The following ITGBL1 variants were observed in gnomAD, a reference collection of about 807,000 sequenced individuals.
ITGBL1 encodes the protein integrin subunit beta like 1.
ITGBL1 carries 51 observed loss-of-function variants against 68.5 expected under a neutral mutation model. The ratio of observed to expected loss-of-function variants is 0.74; its 90% CI spans 0.59 to 0.94. The LOEUF is 0.94. Among genes scored for constraint, ITGBL1 ranks in the 40% least tolerant of loss-of-function variants. The pLI is 0.00. For missense variants in ITGBL1, 649 were observed against 647.4 expected, an observed-to-expected ratio of 1.00 and a Z score of -0.03; for synonymous variants, 209 against 227.3, an observed-to-expected ratio of 0.92 and a Z score of 0.72.
chr13:101,547,336 TCTG>T (rs1210787018), intron 2 of ITGBL1, among the ~76,000 whole-genome samples: 1 of 151,966 alleles, frequency 6.6e-6, no homozygotes, highest in Non-Finnish European at 1.5e-5. Flanking sequence ...TTTATTAACT[TCTG>T]CTATCATCTT....
chr13:101,598,298 G>C lies in ITGBL1; in HGVS notation c.1014G>C (p.Arg338Ser). 6.2e-7 allele frequency: 1 copy of C among 1,601,018 alleles called. No homozygotes were observed. Among genetic ancestry groups the C allele is most frequent in the Non-Finnish European group, 8.5e-7 (1 of 1,174,378 alleles). Residue 338 changes from arginine to serine, a missense_variant and splice_region_variant, in exon 7 of 11, where the codon AGG becomes AGC. By Grantham distance (110) the Arg-to-Ser change is moderately radical. Transcript: ENST00000376180. ...GCTCGGATCTGCCTTGCTCTGGGAG[G>C]GGTAAGTGAGGTCTCTCAGGGCTTC... ...QGSSDLPCSG[R>S]GKCECGKCTC...
At chr13:101,543,699 C>T (rs2049758368) in intron 2 of ITGBL1, among the ~76,000 whole-genome samples, 1 of 152,220 alleles carries the variant, frequency 6.6e-6, no homozygotes, top group South Asian at 2.1e-4. Context: ...GTACACCAAT[C>T]AGACGCAGAT....
chr13:101,674,398 G>T (rs2033450513), intron 7 of ITGBL1, among the ~76,000 whole-genome samples: 1 of 152,110 alleles, frequency 6.6e-6, no homozygotes, highest in South Asian at 2.1e-4. Flanking sequence ...ATTGCTGTGC[G>T]TGTTCCTGAG....
intron 7 of ITGBL1, among the ~76,000 whole-genome samples, chr13:101,610,098 C>CAGGAAAGTGCAAAATGTGCAGGAA: frequency 1.3e-5 from 2 of 152,040 alleles, no homozygotes; most frequent in Non-Finnish European, 2.9e-5. Context: ...ATAAATGTGA[C>CAGGAAAGTGCAAAATGTGCAGGAA]AGTTATGAAA....
chr13:101,585,349 G>A (rs1022311188), intron 6 of ITGBL1, among the ~76,000 whole-genome samples: 1 of 152,168 alleles, frequency 6.6e-6, no homozygotes, highest in Non-Finnish European at 1.5e-5. Context: ...GTCAGGGTCA[G>A]GGTTAAACCA....
intron 7 of ITGBL1, among the ~76,000 whole-genome samples, chr13:101,602,601 C>T (rs2030451723): frequency 1.3e-5 from 2 of 151,760 alleles, no homozygotes; most frequent in Non-Finnish European, 2.9e-5. Flanking sequence ...ATTCACATAC[C>T]ACAAAATTCA....
chr13:101,545,786 A>G (rs1019431918), intron 2 of ITGBL1, among the ~76,000 whole-genome samples: 6 of 152,218 alleles, frequency 3.9e-5, no homozygotes, highest in Admixed American at 1.3e-4. Flanking sequence ...CTATGATTCA[A>G]CAACTAAAGG....
At chr13:101,548,193 C>A (rs1016672674) in intron 2 of ITGBL1, among the ~76,000 whole-genome samples, 1 of 151,722 alleles carries the variant, frequency 6.6e-6, no homozygotes, top group Admixed American at 6.6e-5. Flanking sequence ...TTGACTATAT[C>A]CCCAGATAAA....
chr13:101,694,936 T>C, intron 8 of ITGBL1, among the ~76,000 whole-genome samples: 1 of 152,204 alleles, frequency 6.6e-6, no homozygotes, highest in Non-Finnish European at 1.5e-5. Context: ...ATTTTTTCAT[T>C]AACTAAACAA....
intron 2 of ITGBL1, among the ~76,000 whole-genome samples, chr13:101,462,804 A>G (rs1193681203): frequency 6.6e-6 from 1 of 152,116 alleles, no homozygotes; most frequent in Non-Finnish European, 1.5e-5. Context: ...GCTGGTCTCT[A>G]ACTTCTGACC....
intron 8 of ITGBL1, among the ~76,000 whole-genome samples, chr13:101,697,747 G>A (rs774230833): frequency 6.6e-6 from 1 of 152,176 alleles, no homozygotes; most frequent in Non-Finnish European, 1.5e-5. Flanking sequence ...TGGAAAGAAA[G>A]AGACATAAAG....
chr13:101,492,334 T>G (rs776483360), intron 2 of ITGBL1, among the ~76,000 whole-genome samples: 32 of 152,216 alleles, frequency 2.1e-4, no homozygotes, highest in Non-Finnish European at 3.4e-4. Context: ...GTGGTCCTGC[T>G]CAGCAGTTAT....
intron 9 of ITGBL1, among the ~76,000 whole-genome samples, chr13:101,708,776 T>G (rs892833433): frequency 6.6e-6 from 1 of 152,230 alleles, no homozygotes; most frequent in African/African-American, 2.4e-5. Flanking sequence ...AGGAGTTCTG[T>G]GTTCAACACT....
chr13:101,627,877 G>A (rs77678122), intron 7 of ITGBL1, among the ~76,000 whole-genome samples: 1,676 of 152,276 alleles, frequency 0.011, 37 homozygotes, highest in African/African-American at 0.038. Context: ...TTGCTTCCAA[G>A]TTTCGGCAAT....
chr13:101,571,262 AAGCAAATGT>A (rs2050267475), intron 3 of ITGBL1, among the ~76,000 whole-genome samples: 1 of 152,018 alleles, frequency 6.6e-6, no homozygotes, highest in African/African-American at 2.4e-5. Flanking sequence ...CCACTAAACC[AAGCAAATGT>A]ACCAAAAGAG....
intron 2 of ITGBL1, among the ~76,000 whole-genome samples, chr13:101,513,197 A>G (rs2049143017): frequency 6.6e-6 from 1 of 152,094 alleles, no homozygotes; most frequent in African/African-American, 2.4e-5. Context: ...GACTTGCCTG[A>G]TATTCCAGAG....
intron 7 of ITGBL1, among the ~76,000 whole-genome samples, chr13:101,651,399 T>G (rs35979511): frequency 0.066 from 10,104 of 152,092 alleles, 379 homozygotes; most frequent in East Asian, 0.12. Context: ...TAATGATCAG[T>G]GATGTTGACC....
chr13:101,480,037 T>G (rs2048595064), intron 2 of ITGBL1, among the ~76,000 whole-genome samples: 1 of 152,068 alleles, frequency 6.6e-6, no homozygotes, highest in Non-Finnish European at 1.5e-5. Context: ...GCAGCACTAT[T>G]CACTATCACA....
In ITGBL1 at chr13:101,694,407, C is replaced by T. The variant is rs549909029; in HGVS notation, c.1132+1706C>T. Among the ~76,000 whole-genome samples, 11 of 150,756 alleles carry T rather than the reference C, an allele frequency of 7.3e-5. No individual in the cohort carries two copies. In the South Asian group the frequency reaches 2.3e-3, roughly 31 times the overall value. ...GTCTCTGCTCTTGTTACCATTGTTACTTTTCTTTTCTTTTCTTTTCTTTTT... is the reference window on the plus strand; with the variant it reads ...GTCTCTGCTCTTGTTACCATTGTTATTTTTCTTTTCTTTTCTTTTCTTTTT... On this transcript the variant is annotated intron_variant, in intron 8 of 10. Transcript: ENST00000376180.
Sources: allele counts gnomAD v4.1 joint callset (sites outside exome capture counted in the v4.1 genomes callset), GRCh38; gene constraint gnomAD v4.1.1; transcripts MANE v1.5; gene names NCBI Gene and HGNC (gene_info 2026-07-23, HGNC 2026-07-21).